Variants in ZNF804B observed in about 807,000 individuals in gnomAD.
The protein encoded by ZNF804B is zinc finger 804B.
ZNF804B carries 80 observed loss-of-function variants against 101.4 expected under a neutral mutation model. That is an observed-to-expected ratio of 0.79 (90% CI 0.66 to 0.95). ZNF804B has a LOEUF of 0.95. Ranked by LOEUF, ZNF804B falls within the 40% of genes least tolerant of loss-of-function variation. ZNF804B has a pLI of 0.00. For synonymous variants in ZNF804B, 622 were observed against 558.8 expected, an observed-to-expected ratio of 1.11 and a Z score of -1.59; for missense variants, 1,673 against 1,561.9, an observed-to-expected ratio of 1.07 and a Z score of -1.20.
chr7:88,808,163 G>T (rs28499297), intron 1 of ZNF804B, among the ~76,000 whole-genome samples: 2 of 151,896 alleles, frequency 1.3e-5, no homozygotes, highest in African/African-American at 2.4e-5. Context: ...AGGCTGAGGC[G>T]GGCGGATCAC....
At chr7:88,830,144 A>G (rs1475317365) in intron 1 of ZNF804B, among the ~76,000 whole-genome samples, 2 of 152,108 alleles carry the variant, frequency 1.3e-5, no homozygotes, top group African/African-American at 2.4e-5. Flanking sequence ...GAAGGCTTTC[A>G]TACAAACCAA....
chr7:89,135,920 TC>T (rs1790628473), intron 1 of ZNF804B, among the ~76,000 whole-genome samples: 1 of 152,078 alleles, frequency 6.6e-6, no homozygotes, highest in African/African-American at 2.4e-5. Flanking sequence ...TATAAAGCTA[TC>T]TTTTGGCTTA....
rs185520495 is a variant in ZNF804B at position 89,199,586 on chromosome 7, C to T, written c.109-18569C>T. Among the ~76,000 whole-genome samples the T allele has an allele frequency of 2.4e-3, 359 of 151,876 alleles. 2 individuals are homozygous for T. Among genetic ancestry groups the T allele is most frequent in the African/African-American group, 7.7e-3 (320 of 41,464 alleles). On this transcript the variant is annotated intron_variant, in intron 1 of 3. Transcript: ENST00000333190. ...CACATTCATTTAACAGATGACAAAA[C>T]AGATCAAATTGCTGAGTGCCCCACA... is the stretch of plus-strand genomic sequence containing the variant.
At chr7:88,950,816 C>T (rs950758716) in intron 1 of ZNF804B, among the ~76,000 whole-genome samples, 17 of 151,762 alleles carry the variant, frequency 1.1e-4, no homozygotes, top group Non-Finnish European at 2.9e-5. Flanking sequence ...ATATGGCTTA[C>T]GCATGCAGTA....
chr7:88,783,682 A>T (rs142961090), intron 1 of ZNF804B, among the ~76,000 whole-genome samples: 1 of 152,288 alleles, frequency 6.6e-6, no homozygotes, highest in African/African-American at 2.4e-5. Context: ...TTACAATAAT[A>T]TGGGAATGGT....
intron 1 of ZNF804B, among the ~76,000 whole-genome samples, chr7:89,069,446 TATC>T (rs1340992876): frequency 2.0e-5 from 3 of 152,130 alleles, no homozygotes; most frequent in Non-Finnish European, 4.4e-5. Flanking sequence ...AAAAAAGAAA[TATC>T]ATGCATACTT....
At chr7:89,248,466 G>GAAAAAAAA (rs139869508) in intron 2 of ZNF804B, among the ~76,000 whole-genome samples, 82 of 140,756 alleles carry the variant, frequency 5.8e-4, no homozygotes, top group South Asian at 1.4e-3. Context: ...AGCATTCTTT[G>GAAAAAAAA]AAAAAAAAAG....
intron 1 of ZNF804B, among the ~76,000 whole-genome samples, chr7:88,823,860 G>C (rs551415197): frequency 6.6e-6 from 1 of 152,272 alleles, no homozygotes; most frequent in South Asian, 2.1e-4. Flanking sequence ...ACTGATGGAA[G>C]CATAAGACCT....
intron 1 of ZNF804B, among the ~76,000 whole-genome samples, chr7:88,984,938 A>G (rs1793739581): frequency 6.6e-6 from 1 of 152,016 alleles, no homozygotes. Flanking sequence ...ACCTTACACT[A>G]AAACCCTTGA....
chr7:88,808,279 G>A, intron 1 of ZNF804B, among the ~76,000 whole-genome samples: 1 of 151,886 alleles, frequency 6.6e-6, no homozygotes, highest in Non-Finnish European at 1.5e-5. Context: ...CTACTCAGGA[G>A]GCTGAGGCAG....
chr7:89,194,095 G>T (rs1788505487), intron 1 of ZNF804B, among the ~76,000 whole-genome samples: 1 of 151,756 alleles, frequency 6.6e-6, no homozygotes, highest in African/African-American at 2.4e-5. Flanking sequence ...ATGTTTTTTG[G>T]CTGCATAAAT....
chr7:89,300,858 G>C (rs544827539), intron 2 of ZNF804B, among the ~76,000 whole-genome samples: 3 of 151,930 alleles, frequency 2.0e-5, no homozygotes, highest in East Asian at 1.9e-4. Context: ...GTAAACAGTG[G>C]ATAGAAGTGG....
At chr7:89,134,713 T>A (rs890440895) in intron 1 of ZNF804B, among the ~76,000 whole-genome samples, 3 of 152,124 alleles carry the variant, frequency 2.0e-5, no homozygotes, top group Non-Finnish European at 4.4e-5. Flanking sequence ...GTCTTCTTGG[T>A]TGATCCTTTT....
chr7:89,272,777 C>T (rs1278388330), intron 2 of ZNF804B, among the ~76,000 whole-genome samples: 2 of 151,976 alleles, frequency 1.3e-5, no homozygotes, highest in African/African-American at 4.8e-5. Context: ...TTAAAAGAAA[C>T]AATGTATACA....
At chr7:89,196,825 C>T (rs1788560605) in intron 1 of ZNF804B, among the ~76,000 whole-genome samples, 1 of 151,946 alleles carries the variant, frequency 6.6e-6, no homozygotes, top group Non-Finnish European at 1.5e-5. Context: ...ATAGACACTT[C>T]TCAAAATAAG....
chr7:89,129,845 G>C (rs1383211911), intron 1 of ZNF804B, among the ~76,000 whole-genome samples: 2 of 151,960 alleles, frequency 1.3e-5, no homozygotes, highest in Non-Finnish European at 2.9e-5. Flanking sequence ...TATATCCTGG[G>C]AGATTATAAA....
At chr7:89,208,750 C>A (rs1338032488) in intron 1 of ZNF804B, among the ~76,000 whole-genome samples, 1 of 152,068 alleles carries the variant, frequency 6.6e-6, no homozygotes, top group African/African-American at 2.4e-5. Context: ...CGGTGGCTCA[C>A]GCCTGTAATC....
chr7:89,301,248 C>G (rs1288397081), intron 2 of ZNF804B, among the ~76,000 whole-genome samples: 1 of 151,358 alleles, frequency 6.6e-6, no homozygotes, highest in Non-Finnish European at 1.5e-5. Flanking sequence ...TTTAGCTGAT[C>G]TCCTTGATAA....
intron 2 of ZNF804B, among the ~76,000 whole-genome samples, chr7:89,308,674 C>G (rs1790603306): frequency 1.3e-5 from 2 of 152,190 alleles, no homozygotes; most frequent in Admixed American, 1.3e-4. Context: ...CCTCCCTCAT[C>G]CTGAACTAAC....
Sources: gnomAD v4.1 joint callset for allele counts (sites outside exome capture counted in the v4.1 genomes callset) on GRCh38, gnomAD v4.1.1 for gene constraint, MANE v1.5 for transcripts, NCBI Gene and HGNC (gene_info 2026-07-23, HGNC 2026-07-21) for gene names.